The following ARHGAP6 variants were observed in gnomAD, a reference collection of about 807,000 sequenced individuals.
ARHGAP6 encodes the protein Rho GTPase activating protein 6.
ARHGAP6 carries 16 observed loss-of-function variants against 55.7 expected under a neutral mutation model. The ratio of observed to expected loss-of-function variants is 0.29; its 90% CI spans 0.19 to 0.44. ARHGAP6 has a LOEUF of 0.44. Among genes scored for constraint, ARHGAP6 ranks in the 20% least tolerant of loss-of-function variants. The pLI is 1.00. For missense variants in ARHGAP6, 698 were observed against 808.9 expected, an observed-to-expected ratio of 0.86 and a Z score of 1.66; for synonymous variants, 382 against 360.9, an observed-to-expected ratio of 1.06 and a Z score of -0.66.
chrX:11,287,746 A>T (rs1327301561), intron 1 of ARHGAP6, among the ~76,000 whole-genome samples: 1 of 112,457 alleles, frequency 8.9e-6, no homozygotes, highest in Non-Finnish European at 1.9e-5. Flanking sequence ...CTGTGAGGAA[A>T]TAGCCTCTAT....
At chrX:11,515,029 A>G (rs1338190248) in intron 1 of ARHGAP6, among the ~76,000 whole-genome samples, 2 of 111,961 alleles carry the variant, frequency 1.8e-5, no homozygotes, top group Non-Finnish European at 3.8e-5. Flanking sequence ...GAAAAACCAT[A>G]ACTGACAATG....
chrX:11,210,779 T>C (rs1038328826), intron 2 of ARHGAP6, among the ~76,000 whole-genome samples: 1 of 112,531 alleles, frequency 8.9e-6, no homozygotes, highest in Admixed American at 9.4e-5. Flanking sequence ...AATGTAATAA[T>C]GCATTTTAGA....
At chrX:11,376,710 A>G in intron 1 of ARHGAP6, among the ~76,000 whole-genome samples, 1 of 112,630 alleles carries the variant, frequency 8.9e-6, no homozygotes, top group Non-Finnish European at 1.9e-5. Flanking sequence ...CAAAATGCTT[A>G]TTTTGTGCAG....
At chrX:11,329,182 C>T (rs1172037765) in intron 1 of ARHGAP6, among the ~76,000 whole-genome samples, 1 of 111,647 alleles carries the variant, frequency 9.0e-6, no homozygotes, top group Non-Finnish European at 1.9e-5. Flanking sequence ...ATGTTGGCAC[C>T]AGAGTTATGA....
intron 1 of ARHGAP6, among the ~76,000 whole-genome samples, chrX:11,283,924 G>T (rs1312370952): frequency 8.9e-6 from 1 of 112,155 alleles, no homozygotes. Context: ...GACTAAGTTT[G>T]TGATTATTTA....
intron 1 of ARHGAP6, chrX:11,265,676 T>C (rs2047612720): frequency 1.2e-6 from 1 of 860,318 alleles, no homozygotes; most frequent in African/African-American, 2.2e-5. Flanking sequence ...TAGATATTTA[T>C]ATTGCTTACC....
rs185360760 is a variant in ARHGAP6, at chrX:11,326,621, T to C, written c.589-71914A>G. 3.7e-3 allele frequency among the ~76,000 whole-genome samples: 419 copies of C among 111,944 alleles called. 1 individual carries two copies. Among genetic ancestry groups the C allele is most frequent in the South Asian group, 0.011 (29 of 2,685 alleles). On this transcript the variant is annotated intron_variant, in intron 1 of 12. Transcript: ENST00000337414. ...GAAAAACCCATCGTAGAAATCAATATAACTAAAGCTTGAATGAATCTGAGT... is the reference window on the plus strand; with the variant it reads ...GAAAAACCCATCGTAGAAATCAATACAACTAAAGCTTGAATGAATCTGAGT...
At chrX:11,335,824 G>A (rs1051285681) in intron 1 of ARHGAP6, 5 of 253,742 alleles carry the variant, frequency 2.0e-5, no homozygotes, top group African/African-American at 2.9e-5. Context: ...AGCTGGCTCT[G>A]GCAGAGGCCA....
chrX:11,398,203 A>C (rs1020873110), intron 1 of ARHGAP6, among the ~76,000 whole-genome samples: 1 of 107,986 alleles, frequency 9.3e-6, no homozygotes, highest in African/African-American at 3.4e-5. Flanking sequence ...AGATTAAAGA[A>C]GTATTTGTAA....
chrX:11,357,385 G>C (rs2048944559), intron 1 of ARHGAP6, among the ~76,000 whole-genome samples: 1 of 111,753 alleles, frequency 8.9e-6, no homozygotes, highest in African/African-American at 3.3e-5. Flanking sequence ...AAGAAATCCA[G>C]GGGGTCCTGA....
intron 1 of ARHGAP6, among the ~76,000 whole-genome samples, chrX:11,365,664 T>A (rs2049066833): frequency 8.9e-6 from 1 of 112,548 alleles, no homozygotes; most frequent in Admixed American, 9.4e-5. Context: ...AAAATAATTG[T>A]TCATTTATCT....
chrX:11,572,954 T>A (rs996981712), intron 1 of ARHGAP6, among the ~76,000 whole-genome samples: 1 of 112,540 alleles, frequency 8.9e-6, no homozygotes, highest in Non-Finnish European at 1.9e-5. Context: ...GATACGCATT[T>A]TTTCATGTGT....
chrX:11,372,771 C>CAAAAAA (rs1171647934), intron 1 of ARHGAP6, among the ~76,000 whole-genome samples: 72 of 14,261 alleles, frequency 5.0e-3, no homozygotes, highest in South Asian at 0.01. Context: ...GACTCCATCT[C>CAAAAAA]AAAAAAAAAA....
intron 1 of ARHGAP6, among the ~76,000 whole-genome samples, chrX:11,541,707 T>G (rs2051159488): frequency 8.9e-6 from 1 of 112,246 alleles, no homozygotes; most frequent in South Asian, 3.7e-4. Flanking sequence ...ATTTACTGAT[T>G]GCTCAATAAA....
chrX:11,344,678 CAAAAAAAAAAA>C (rs34123570), intron 1 of ARHGAP6, among the ~76,000 whole-genome samples: 4 of 28,271 alleles, frequency 1.4e-4, no homozygotes, highest in African/African-American at 3.0e-4. Context: ...AACTCCATCA[CAAAAAAAAAAA>C]AAAAAAAAAA....
At chrX:11,438,175 C>G (rs2050005051) in intron 1 of ARHGAP6, among the ~76,000 whole-genome samples, 2 of 112,230 alleles carry the variant, frequency 1.8e-5, no homozygotes, top group African/African-American at 6.5e-5. Flanking sequence ...ACAAGCACCA[C>G]AGGGAATTCC....
chrX:11,369,969 C>A (rs764740687), intron 1 of ARHGAP6, among the ~76,000 whole-genome samples: 1 of 112,298 alleles, frequency 8.9e-6, no homozygotes, highest in East Asian at 2.8e-4. Flanking sequence ...CAGGAAGGGC[C>A]AAAAGTTGGC....
chrX:11,316,175 G>C (rs1036872699), intron 1 of ARHGAP6, among the ~76,000 whole-genome samples: 19 of 111,842 alleles, frequency 1.7e-4, no homozygotes, highest in African/African-American at 6.2e-4. Context: ...TCTCTCACTT[G>C]GATTGCTGAA....
At chrX:11,176,779 C>A (rs918622208) in intron 8 of ARHGAP6, among the ~76,000 whole-genome samples, 2 of 111,554 alleles carry the variant, frequency 1.8e-5, no homozygotes, top group African/African-American at 6.5e-5. Context: ...GTATGCCCAT[C>A]AAAGAGCTGT....
Sources: gnomAD v4.1 joint callset for allele counts (sites outside exome capture counted in the v4.1 genomes callset) on GRCh38, gnomAD v4.1.1 for gene constraint, MANE v1.5 for transcripts, NCBI Gene and HGNC (gene_info 2026-07-23, HGNC 2026-07-21) for gene names.